The following DIAPH2 variants were observed in gnomAD, a reference collection of about 807,000 sequenced individuals.
The protein encoded by DIAPH2 is protein diaphanous homolog 2.
Under a neutral mutation model 92.7 loss-of-function variants are expected in DIAPH2, and 35 were observed. The observed-to-expected ratio is 0.38, with a 90% CI of 0.29 to 0.50. DIAPH2 has a LOEUF of 0.50. Among genes scored for constraint, DIAPH2 ranks in the 20% least tolerant of loss-of-function variants. The pLI, the probability that DIAPH2 is intolerant of heterozygous loss-of-function variation, is 0.94. For missense variants in DIAPH2, 701 were observed against 819.5 expected (o/e 0.86, Z 1.77); for synonymous variants, 301 against 280.4 (o/e 1.07, Z -0.73).
chrX:96,713,446 C>G (rs926269500), intron 1 of DIAPH2, among the ~76,000 whole-genome samples: 1 of 111,431 alleles, frequency 9.0e-6, no homozygotes, highest in African/African-American at 3.3e-5. Context: ...TATTGACATC[C>G]TACACCACAG....
intron 26 of DIAPH2, among the ~76,000 whole-genome samples, chrX:97,542,044 A>G (rs1274884769): frequency 3.6e-5 from 4 of 112,463 alleles, no homozygotes; most frequent in Non-Finnish European, 7.5e-5. Flanking sequence ...GAAGAAAGTT[A>G]ATGATCAGTT....
chrX:96,744,258 G>A (rs12689957), intron 3 of DIAPH2, among the ~76,000 whole-genome samples: 21,859 of 111,117 alleles, frequency 0.2, 1,604 homozygotes, highest in East Asian at 0.32. Flanking sequence ...AAACATTTAA[G>A]TGTATTATTT....
intron 22 of DIAPH2, among the ~76,000 whole-genome samples, chrX:97,182,551 T>C (rs183005647): frequency 3.6e-5 from 4 of 111,558 alleles, no homozygotes; most frequent in East Asian, 2.8e-4. Flanking sequence ...ACCCCACTTA[T>C]TATTAGGTTA....
chrX:97,259,356 A>G (rs1308057954), intron 23 of DIAPH2, among the ~76,000 whole-genome samples: 1 of 111,942 alleles, frequency 8.9e-6, no homozygotes, highest in Non-Finnish European at 1.9e-5. Flanking sequence ...GTTCTGAGAA[A>G]ACATCAAGTA....
At chrX:96,879,530 T>C (rs1193577740) in intron 4 of DIAPH2, among the ~76,000 whole-genome samples, 1 of 111,714 alleles carries the variant, frequency 9.0e-6, no homozygotes. Context: ...TGATGAACTT[T>C]GTGTTGTTGT....
At chrX:97,427,626 G>A (rs1244386981) in intron 25 of DIAPH2, among the ~76,000 whole-genome samples, 1 of 110,449 alleles carries the variant, frequency 9.1e-6, no homozygotes, top group East Asian at 2.8e-4. Flanking sequence ...CTTCAGATGT[G>A]TCTGTGAGCT....
intron 26 of DIAPH2, chrX:97,555,300 A>G (rs1403919344): frequency 6.3e-6 from 1 of 159,315 alleles, no homozygotes; most frequent in African/African-American, 3.1e-5. Flanking sequence ...TAGTGCCCAC[A>G]AGGAAATAGT....
At chrX:97,114,327 A>G (rs1168336612) in intron 20 of DIAPH2, among the ~76,000 whole-genome samples, 1 of 112,083 alleles carries the variant, frequency 8.9e-6, no homozygotes, top group Non-Finnish European at 1.9e-5. Context: ...ATTTTCTGTC[A>G]TCATGTACAT....
rs57209486 is a variant in DIAPH2 at position 96,854,598 on chromosome X, CATATATATATATATATATATATATAT to C, written c.448-26962_448-26937del. Among the ~76,000 whole-genome samples the C allele has an allele frequency of 1.5e-3, 55 of 37,122 alleles. 1 individual carries two copies. Among genetic ancestry groups the C allele is most frequent in the East Asian group, 0.013 (11 of 851 alleles). The allele number at this position is 37,122 out of a possible 115,157, so 32.2% of individuals were successfully genotyped here. A position where few individuals can be genotyped will look rare whatever the true frequency, so the allele number is the denominator to read the frequency against. On this transcript the variant is annotated intron_variant, in intron 4 of 26. Coordinates refer to ENST00000324765, the MANE Select transcript of DIAPH2 (RefSeq NM_006729.5). The stretch of plus-strand genomic sequence containing the variant: ...AAAAACCAAGACTCTCTCTCTCTCT[CATATATATATATATATATATATATAT>C]ATATATATATATATATATCCATCTG...
intron 23 of DIAPH2, among the ~76,000 whole-genome samples, chrX:97,300,298 G>A (rs2068682320): frequency 8.9e-6 from 1 of 111,880 alleles, no homozygotes; most frequent in Admixed American, 9.6e-5. Context: ...AACTCTCTAT[G>A]TGAATAAGAC....
chrX:97,505,185 G>A lies in DIAPH2; in HGVS notation c.3241+75440G>A, dbSNP rs150235280. ...CATTGCAGAGCAGGCCTCTTCTTCTGTGACTGATGCTGCCCTCTCTTTTCT... is the reference window on the plus strand; with the variant it reads ...CATTGCAGAGCAGGCCTCTTCTTCTATGACTGATGCTGCCCTCTCTTTTCT... On this transcript the variant is annotated intron_variant, in intron 26 of 26. Transcript: ENST00000324765. 5.5e-3 allele frequency among the ~76,000 whole-genome samples: 622 copies of A among 112,267 alleles called. 2 individuals carry two copies. Among genetic ancestry groups the A allele is most frequent in the African/African-American group, 0.019 (593 of 30,906 alleles).
intron 23 of DIAPH2, among the ~76,000 whole-genome samples, chrX:97,310,159 G>A (rs1020728635): frequency 7.1e-5 from 8 of 112,203 alleles, no homozygotes; most frequent in Admixed American, 2.9e-4. Flanking sequence ...CAGCATGAAT[G>A]GGATTTGAAG....
chrX:96,745,903 A>G (rs2064146968), intron 3 of DIAPH2, among the ~76,000 whole-genome samples: 1 of 111,949 alleles, frequency 8.9e-6, no homozygotes, highest in African/African-American at 3.2e-5. Flanking sequence ...TCCAAATTTG[A>G]AATAAATATT....
chrX:97,352,135 T>C (rs951558515), intron 24 of DIAPH2, among the ~76,000 whole-genome samples: 3 of 110,996 alleles, frequency 2.7e-5, no homozygotes, highest in Non-Finnish European at 5.7e-5. Context: ...AGCAATAAAA[T>C]ACCAGTAGTG....
At chrX:97,144,921 T>C (rs965604177) in intron 22 of DIAPH2, among the ~76,000 whole-genome samples, 1 of 111,337 alleles carries the variant, frequency 9.0e-6, no homozygotes, top group Non-Finnish European at 1.9e-5. Context: ...CACGCCACCA[T>C]GCCCAGCTAA....
At chrX:96,765,546 G>C (rs112171193) in intron 4 of DIAPH2, among the ~76,000 whole-genome samples, 119 of 111,401 alleles carry the variant, frequency 1.1e-3, no homozygotes, top group African/African-American at 3.7e-3. Context: ...TATTTTATTA[G>C]CTATTGTTAA....
chrX:97,310,588 C>T (rs1181562810), intron 23 of DIAPH2, among the ~76,000 whole-genome samples: 3 of 111,134 alleles, frequency 2.7e-5, no homozygotes, highest in Non-Finnish European at 1.9e-5. Flanking sequence ...TGGTGTGTTC[C>T]AGGAAAAGTA....
At chrX:96,806,548 A>T (rs2064625658) in intron 4 of DIAPH2, among the ~76,000 whole-genome samples, 1 of 100,084 alleles carries the variant, frequency 1.0e-5, no homozygotes, top group South Asian at 5.3e-4. Flanking sequence ...TGGGAGGCTG[A>T]GGCAGGAGAA....
At chrX:97,491,420 AT>A (rs973431990) in intron 26 of DIAPH2, among the ~76,000 whole-genome samples, 1 of 109,905 alleles carries the variant, frequency 9.1e-6, no homozygotes, top group Non-Finnish European at 1.9e-5. Context: ...TATTTATTTT[AT>A]TTTTTTTGAG....
Sources: gnomAD v4.1 joint callset for allele counts (sites outside exome capture counted in the v4.1 genomes callset) on GRCh38, gnomAD v4.1.1 for gene constraint, MANE v1.5 for transcripts, NCBI Gene and HGNC (gene_info 2026-07-23, HGNC 2026-07-21) for gene names.